The following SLC4A4 variants were observed in gnomAD, a reference collection of about 807,000 sequenced individuals.
The protein encoded by SLC4A4 is solute carrier family 4 member 4, also known as electrogenic sodium bicarbonate cotransporter 1.
A neutral mutation model predicts 111.5 loss-of-function variants in SLC4A4; 27 were observed. The ratio of observed to expected loss-of-function variants is 0.24; its 90% CI spans 0.18 to 0.33. The LOEUF (loss-of-function observed/expected upper bound fraction) is 0.33. Ranked by LOEUF, SLC4A4 falls within the 10% of genes least tolerant of loss-of-function variation. The probability of loss-of-function intolerance (pLI) is 1.00; values close to 1 mark genes in which losing one functional copy is unlikely to be tolerated. For missense variants in SLC4A4, 909 were observed against 1,315.5 expected (o/e 0.69, Z 4.78); for synonymous variants, 443 against 463.4 (o/e 0.96, Z 0.57).
chr4:71,460,853 G>A (rs1726754529), intron 12 of SLC4A4, among the ~76,000 whole-genome samples: 1 of 152,042 alleles, frequency 6.6e-6, no homozygotes, highest in African/African-American at 2.4e-5. Flanking sequence ...ATTGTTTAGG[G>A]TGGAAATAAA....
At chr4:71,350,685 G>A (rs1729750896) in intron 5 of SLC4A4, among the ~76,000 whole-genome samples, 1 of 152,142 alleles carries the variant, frequency 6.6e-6, no homozygotes, top group South Asian at 2.1e-4. Flanking sequence ...AAATGCTGCA[G>A]CATTCATATT....
intron 2 of SLC4A4, among the ~76,000 whole-genome samples, chr4:71,093,661 T>C (rs1742451691): frequency 6.6e-6 from 1 of 150,908 alleles, no homozygotes; most frequent in South Asian, 2.1e-4. Context: ...CAATAAATGA[T>C]TGCTATTGTT....
chr4:71,240,340 G>C (rs1345291426), intron 2 of SLC4A4, among the ~76,000 whole-genome samples: 1 of 152,172 alleles, frequency 6.6e-6, no homozygotes, highest in Non-Finnish European at 1.5e-5. Flanking sequence ...ACTCCCAGCA[G>C]GCCTTGGCAA....
chr4:71,562,302 T>G (rs1023499297), intron 23 of SLC4A4, among the ~76,000 whole-genome samples: 1 of 151,772 alleles, frequency 6.6e-6, no homozygotes, highest in Non-Finnish European at 1.5e-5. Context: ...CAGTATGTTC[T>G]GTGTGTTGAA....
In SLC4A4 at chr4:71,503,378, T is replaced by G. The variant is rs1426160100; in HGVS notation, c.2166+5686T>G. Among the ~76,000 whole-genome samples, 5 of 152,152 alleles carry G rather than the reference T, an allele frequency of 3.3e-5. No homozygotes were observed. In the East Asian group the frequency reaches 9.7e-4, roughly 29 times the overall value. On this transcript the variant is annotated intron_variant, in intron 16 of 25. Transcript: ENST00000264485. ...TAATTGTACTTTAATTATTTTAATA[T>G]CCTTCATTCTTTTCTTCCTCTCTTG...
At chr4:71,303,422 T>C (rs1347423206) in intron 3 of SLC4A4, among the ~76,000 whole-genome samples, 2 of 152,226 alleles carry the variant, frequency 1.3e-5, no homozygotes, top group Non-Finnish European at 2.9e-5. Flanking sequence ...AGATTCTTTG[T>C]TGTTCATGCT....
intron 18 of SLC4A4, among the ~76,000 whole-genome samples, chr4:71,544,976 G>A (rs149166849): frequency 6.6e-6 from 1 of 152,016 alleles, no homozygotes; most frequent in East Asian, 1.9e-4. Context: ...GATATATCAT[G>A]GTATTCACCT....
At chr4:71,371,425 G>A (rs547413239) in intron 6 of SLC4A4, among the ~76,000 whole-genome samples, 1 of 151,790 alleles carries the variant, frequency 6.6e-6, no homozygotes, top group Non-Finnish European at 1.5e-5. Context: ...TGTATTTTTA[G>A]TAGAGACGGG....
At chr4:71,102,140 C>T (rs1420249442) in intron 2 of SLC4A4, among the ~76,000 whole-genome samples, 1 of 151,966 alleles carries the variant, frequency 6.6e-6, no homozygotes, top group Non-Finnish European at 1.5e-5. Flanking sequence ...GCCTCAGGAG[C>T]AGATGCGATC....
At chr4:71,098,584 A>G (rs1162484800) in intron 2 of SLC4A4, among the ~76,000 whole-genome samples, 2 of 152,128 alleles carry the variant, frequency 1.3e-5, no homozygotes, top group Non-Finnish European at 2.9e-5. Flanking sequence ...CCAGCTAACA[A>G]TACAATGATG....
intron 1 of SLC4A4, among the ~76,000 whole-genome samples, chr4:71,234,393 G>A (rs1413781403): frequency 6.6e-6 from 1 of 152,220 alleles, no homozygotes; most frequent in African/African-American, 2.4e-5. Flanking sequence ...GGAACCAGGG[G>A]CTTAGAGAAG....
chr4:71,314,882 A>G (rs1726550318), intron 3 of SLC4A4, among the ~76,000 whole-genome samples: 1 of 152,132 alleles, frequency 6.6e-6, no homozygotes, highest in African/African-American at 2.4e-5. Context: ...ATGTATACCT[A>G]TGTAACAAAC....
At chr4:71,458,284 G>A (rs968424645) in intron 12 of SLC4A4, among the ~76,000 whole-genome samples, 1 of 151,948 alleles carries the variant, frequency 6.6e-6, no homozygotes, top group African/African-American at 2.4e-5. Flanking sequence ...TAGTCTATGG[G>A]CAAGATACTT....
chr4:71,302,427 A>G (rs376787673), intron 3 of SLC4A4, among the ~76,000 whole-genome samples: 2 of 152,178 alleles, frequency 1.3e-5, no homozygotes, highest in Admixed American at 6.5e-5. Flanking sequence ...TATGCTCATA[A>G]TGATTCTTTG....
At chr4:71,436,339 G>C (rs367915506) in intron 7 of SLC4A4, among the ~76,000 whole-genome samples, 1 of 151,982 alleles carries the variant, frequency 6.6e-6, no homozygotes, top group East Asian at 1.9e-4. Context: ...GTTCTCACTC[G>C]TAAGTGGGAG....
At chr4:71,364,379 A>C (rs917574378) in intron 6 of SLC4A4, among the ~76,000 whole-genome samples, 1 of 152,232 alleles carries the variant, frequency 6.6e-6, no homozygotes, top group Non-Finnish European at 1.5e-5. Context: ...TTATTAAATA[A>C]GCAGAATGTG....
chr4:71,322,294 G>A (rs530967891), intron 3 of SLC4A4, among the ~76,000 whole-genome samples: 1 of 152,028 alleles, frequency 6.6e-6, no homozygotes, highest in South Asian at 2.1e-4. Flanking sequence ...GGCAATGTGG[G>A]GATGAAGTCA....
At chr4:71,280,042 C>G (rs1301305042) in intron 3 of SLC4A4, among the ~76,000 whole-genome samples, 1 of 152,238 alleles carries the variant, frequency 6.6e-6, no homozygotes, top group Non-Finnish European at 1.5e-5. Context: ...GATCTGCCCA[C>G]CTTGGCCTCC....
intron 2 of SLC4A4, among the ~76,000 whole-genome samples, chr4:71,243,704 T>G (rs1297089731): frequency 6.6e-6 from 1 of 152,154 alleles, no homozygotes; most frequent in Non-Finnish European, 1.5e-5. Context: ...ATCAGCAGTA[T>G]AGATGACTTA....
Sources: allele counts gnomAD v4.1 joint callset (sites outside exome capture counted in the v4.1 genomes callset), GRCh38; gene constraint gnomAD v4.1.1; transcripts MANE v1.5; gene names NCBI Gene and HGNC (gene_info 2026-07-23, HGNC 2026-07-21).